Variants in SUGCT observed in about 807,000 individuals in gnomAD.
The protein encoded by SUGCT is succinyl-CoA:glutarate-CoA transferase, also known as succinyl-CoA:glutarate CoA-transferase.
A neutral mutation model predicts 55.0 loss-of-function variants in SUGCT; 41 were observed. That is an observed-to-expected ratio of 0.74 (90% confidence interval 0.58 to 0.97). SUGCT has a LOEUF of 0.97. Among genes scored for constraint, SUGCT ranks in the 50% least tolerant of loss-of-function variants. The pLI is 0.00. For synonymous variants in SUGCT, 187 were observed against 200.4 expected, an observed-to-expected ratio of 0.93 and a Z score of 0.56; for missense variants, 568 against 547.8, an observed-to-expected ratio of 1.04 and a Z score of -0.37.
chr7:40,464,787 C>T (rs1396461502), intron 11 of SUGCT, among the ~76,000 whole-genome samples: 1 of 152,206 alleles, frequency 6.6e-6, no homozygotes, highest in East Asian at 1.9e-4. Context: ...ATATATGCAG[C>T]AAAATACTCT....
At chr7:40,635,554 A>G (rs531941802) in intron 12 of SUGCT, among the ~76,000 whole-genome samples, 1 of 152,328 alleles carries the variant, frequency 6.6e-6, no homozygotes, top group Non-Finnish European at 1.5e-5. Context: ...TTAAATTAAC[A>G]CAAAATAGCA....
At chr7:40,749,535 T>G (rs1380380602) in intron 13 of SUGCT, 38 bp downstream of exon 13, 2 of 1,523,084 alleles carry the variant, frequency 1.3e-6, no homozygotes, top group Non-Finnish European at 9.1e-7. Context: ...GCACCTTTCT[T>G]TATTAATTGT....
chr7:40,851,542 C>T (rs925588329), intron 13 of SUGCT, among the ~76,000 whole-genome samples: 2 of 152,174 alleles, frequency 1.3e-5, no homozygotes, highest in Non-Finnish European at 2.9e-5. Context: ...TCAGTTCAGC[C>T]TCCCAGGTAT....
chr7:40,143,787 A>G (rs1788106918), intron 1 of SUGCT, among the ~76,000 whole-genome samples: 3 of 152,214 alleles, frequency 2.0e-5, no homozygotes, highest in African/African-American at 7.2e-5. Flanking sequence ...GGGGGATCAA[A>G]TAAACACATT....
At chr7:40,291,736 AC>A (rs1292161388) in intron 8 of SUGCT, among the ~76,000 whole-genome samples, 6 of 152,118 alleles carry the variant, frequency 3.9e-5, no homozygotes, top group African/African-American at 1.4e-4. Context: ...TACAATATGT[AC>A]TATGCTCACC....
the SUGCT span, among the ~76,000 whole-genome samples, chr7:40,898,659 C>T: frequency 3.1e-3 from 471 of 151,836 alleles, 2 homozygotes; most frequent in African/African-American, 0.011. Flanking sequence ...TGGAGGCGGA[C>T]CTTGCAGTGA....
intron 13 of SUGCT, among the ~76,000 whole-genome samples, chr7:40,765,271 T>A (rs1210143859): frequency 6.6e-6 from 1 of 152,102 alleles, no homozygotes; most frequent in East Asian, 1.9e-4. Flanking sequence ...CTGTGGACTC[T>A]CCAAACCAGA....
intron 1 of SUGCT, chr7:40,153,882 G>A (rs994202094): frequency 2.7e-6 from 1 of 374,946 alleles, no homozygotes; most frequent in African/African-American, 2.1e-5. Flanking sequence ...TTGGAAAAAA[G>A]ATGGGATCCA....
intron 7 of SUGCT, among the ~76,000 whole-genome samples, chr7:40,262,639 T>C (rs1022738164): frequency 6.6e-6 from 1 of 151,950 alleles, no homozygotes; most frequent in African/African-American, 2.4e-5. Flanking sequence ...CACTCCAGCC[T>C]GGGCGACAGA....
chr7:40,854,127 T>G (rs1393466621), intron 13 of SUGCT, among the ~76,000 whole-genome samples: 1 of 152,246 alleles, frequency 6.6e-6, no homozygotes, highest in Non-Finnish European at 1.5e-5. Context: ...TGCTACCTAT[T>G]TGGATCTTGA....
At chr7:40,654,428 A>C (rs1800923045) in intron 12 of SUGCT, among the ~76,000 whole-genome samples, 1 of 152,146 alleles carries the variant, frequency 6.6e-6, no homozygotes. Context: ...GCACACAAAA[A>C]CTCAACACCT....
At chr7:40,692,214 G>A (rs190817585) in intron 12 of SUGCT, among the ~76,000 whole-genome samples, 20 of 152,300 alleles carry the variant, frequency 1.3e-4, no homozygotes, top group Middle Eastern at 6.8e-3. Flanking sequence ...GGTACTTAGG[G>A]GGAATCATGA....
chr7:40,753,118 T>C (rs1041303697), intron 13 of SUGCT, among the ~76,000 whole-genome samples: 1 of 152,180 alleles, frequency 6.6e-6, no homozygotes, highest in African/African-American at 2.4e-5. Context: ...ATTCAGTATA[T>C]CCCAATAAGA....
the SUGCT span, among the ~76,000 whole-genome samples, chr7:40,948,352 A>G: frequency 6.6e-6 from 1 of 152,140 alleles, no homozygotes; most frequent in Admixed American, 6.6e-5. Flanking sequence ...GCATCATTCC[A>G]TGATTCATGC....
intron 1 of SUGCT, among the ~76,000 whole-genome samples, chr7:40,160,404 T>C (rs1784089534): frequency 6.6e-6 from 1 of 152,078 alleles, no homozygotes; most frequent in Non-Finnish European, 1.5e-5. Context: ...AATTTTTGTG[T>C]TTTTAGTAGA....
chr7:40,997,023 G>C, the SUGCT span, among the ~76,000 whole-genome samples: 1 of 152,084 alleles, frequency 6.6e-6, no homozygotes, highest in Non-Finnish European at 1.5e-5. Context: ...TGCCTGATGC[G>C]GCTCCACAAC....
the SUGCT span, among the ~76,000 whole-genome samples, chr7:41,023,853 T>C: frequency 4.7e-3 from 714 of 152,300 alleles, 2 homozygotes; most frequent in Non-Finnish European, 5.3e-3. Flanking sequence ...GAAAAAGCAA[T>C]AGCCATTTCC....
intron 7 of SUGCT, among the ~76,000 whole-genome samples, chr7:40,248,888 G>GCACACA (rs34780979): frequency 0.069 from 9,399 of 135,366 alleles, 340 homozygotes; most frequent in Middle Eastern, 0.085. Context: ...GCGCGCGCTC[G>GCACACA]CACACACACA....
chr7:40,395,445 T>TCAGGAGGCAGTGA (rs1785670476), intron 9 of SUGCT, among the ~76,000 whole-genome samples: 1 of 132,056 alleles, frequency 7.6e-6, no homozygotes, highest in Non-Finnish European at 1.5e-5. Context: ...GCCGAGATCC[T>TCAGGAGGCAGTGA]GCCATTGCAC....
Sources: allele counts gnomAD v4.1 joint callset (sites outside exome capture counted in the v4.1 genomes callset), GRCh38; gene constraint gnomAD v4.1.1; transcripts MANE v1.5; gene names NCBI Gene and HGNC (gene_info 2026-07-23, HGNC 2026-07-21).